The following PLEKHH2 variants were observed in gnomAD, a reference collection of about 807,000 sequenced individuals.
The protein encoded by PLEKHH2 is pleckstrin homology domain-containing family H member 2.
PLEKHH2 carries 129 observed loss-of-function variants against 187.9 expected under a neutral mutation model. That is an observed-to-expected ratio of 0.69 (90% CI 0.59 to 0.79). The LOEUF is 0.79. Ranked by LOEUF, PLEKHH2 falls within the 30% of genes least tolerant of loss-of-function variation. The pLI, the probability that PLEKHH2 is intolerant of heterozygous loss-of-function variation, is 0.00. For synonymous variants in PLEKHH2, 686 were observed against 605.6 expected, an observed-to-expected ratio of 1.13 and a Z score of -1.95; for missense variants, 2,076 against 1,751.2, an observed-to-expected ratio of 1.19 and a Z score of -3.31.
intron 8 of PLEKHH2, among the ~76,000 whole-genome samples, chr2:43,701,349 G>C (rs1259986543): frequency 6.6e-6 from 1 of 152,174 alleles, no homozygotes; most frequent in East Asian, 1.9e-4. Flanking sequence ...CTCCTTCTCA[G>C]CTTACCAATC....
intron 8 of PLEKHH2, among the ~76,000 whole-genome samples, chr2:43,702,275 G>A (rs1669411285): frequency 6.6e-6 from 1 of 152,134 alleles, no homozygotes; most frequent in South Asian, 2.1e-4. Context: ...CAGAACTTAA[G>A]ATGTATGTGC....
chr2:43,669,689 A>T (rs2104398041), intron 2 of PLEKHH2, among the ~76,000 whole-genome samples: 1 of 152,216 alleles, frequency 6.6e-6, no homozygotes, highest in Middle Eastern at 3.4e-3. Context: ...TTAATGAGAA[A>T]TGAAGGTGAA....
intron 9 of PLEKHH2, 121 bp downstream of exon 9, chr2:43,704,177 G>A (rs1419591661): frequency 1.5e-6 from 1 of 669,434 alleles, no homozygotes; most frequent in Non-Finnish European, 2.4e-6. Context: ...CCACCTAAAG[G>A]AGGTGTTTAA....
chr2:43,743,757 C>T, intron 22 of PLEKHH2, 77 bp from the exon 23 acceptor site: 1 of 1,329,772 alleles, frequency 7.5e-7, no homozygotes, highest in Admixed American at 2.1e-5. Flanking sequence ...ATCAAGTATG[C>T]TCTGTTTCAT....
intron 2 of PLEKHH2, among the ~76,000 whole-genome samples, chr2:43,650,537 C>G (rs182246516): frequency 6.6e-6 from 1 of 152,054 alleles, no homozygotes; most frequent in African/African-American, 2.4e-5. Context: ...TGAATATTGT[C>G]TGCATTGCTT....
chr2:43,675,338 T>C, intron 2 of PLEKHH2: 2 of 1,421,008 alleles, frequency 1.4e-6, no homozygotes, highest in Non-Finnish European at 1.9e-6. Context: ...ACATTTCAAG[T>C]GCTCTTGGAC....
chr2:43,718,553 T>A (rs1670323745), intron 15 of PLEKHH2, among the ~76,000 whole-genome samples: 1 of 151,562 alleles, frequency 6.6e-6, no homozygotes, highest in African/African-American at 2.4e-5. Flanking sequence ...AAAAAAAAAA[T>A]TCTAATACAA....
At chr2:43,763,615 T>G (rs75547813) in intron 28 of PLEKHH2, among the ~76,000 whole-genome samples, 3,612 of 149,536 alleles carry the variant, frequency 0.024, 161 homozygotes, top group African/African-American at 0.084. Context: ...TCATAGAAAC[T>G]GGGTCTCCCT....
intron 2 of PLEKHH2, among the ~76,000 whole-genome samples, chr2:43,655,764 G>A (rs372700453): frequency 1.7e-4 from 26 of 152,112 alleles, no homozygotes; most frequent in East Asian, 1.5e-3. Context: ...GAGATTTTTC[G>A]TCTGGGAGAG....
intron 4 of PLEKHH2, among the ~76,000 whole-genome samples, chr2:43,693,813 G>A (rs1668956326): frequency 2.0e-5 from 3 of 150,862 alleles, no homozygotes; most frequent in South Asian, 4.2e-4. Flanking sequence ...TGACCACTAT[G>A]AAATCATTTT....
At chr2:43,715,684 G>A (rs1670178964) in intron 15 of PLEKHH2, among the ~76,000 whole-genome samples, 2 of 152,278 alleles carry the variant, frequency 1.3e-5, no homozygotes, top group African/African-American at 4.8e-5. Context: ...AAAGATGCCT[G>A]GTAGAAAGAT....
Position 43,729,659 on chromosome 2 carries a change from C to T in PLEKHH2, c.2744C>T (p.Thr915Ile). ...AAGGACACTTGGCTTTATCATCTGACTGTTGCAGCTGGAAGCAACAATGTA... is the reference window on the plus strand; with the variant it reads ...AAGGACACTTGGCTTTATCATCTGATTGTTGCAGCTGGAAGCAACAATGTA... The part of the protein sequence containing the change: ...HEKDTWLYHL[T>I]VAAGSNNVNV... The change falls in exon 18 of 30, where the codon ACT becomes ATT. Residue 915 changes from threonine (T) to isoleucine (I), a missense_variant. Transcript: ENST00000282406. The T allele has an allele frequency of 6.2e-7, 1 of 1,603,858 alleles. No homozygotes were observed. Among genetic ancestry groups the T allele is most frequent in the Non-Finnish European group, 8.5e-7 (1 of 1,176,288 alleles).
chr2:43,641,903 T>C (rs960259088), intron 1 of PLEKHH2, among the ~76,000 whole-genome samples: 3 of 152,232 alleles, frequency 2.0e-5, no homozygotes, highest in African/African-American at 7.2e-5. Flanking sequence ...TTGTAGTAAG[T>C]TTAGAAATAG....
rs1230201543 is a variant in PLEKHH2 at position 43,660,634 on chromosome 2, C to A, written c.123+15838C>A. On this transcript the variant is annotated intron_variant, in intron 2 of 29. Transcript: ENST00000282406. ...CCCCTCCCCCCTCCCCCCACCCCACCACAGTCCCCAGAGTGTGATATTCCC... is the reference window on the plus strand; with the variant it reads ...CCCCTCCCCCCTCCCCCCACCCCACAACAGTCCCCAGAGTGTGATATTCCC... Among the ~76,000 whole-genome samples, 387 of 122,034 alleles carry A rather than the reference C, an allele frequency of 3.2e-3. 9 individuals carry two copies. Among genetic ancestry groups the A allele is most frequent in the African/African-American group, 0.012 (370 of 30,298 alleles). 80.1% of individuals were successfully genotyped at this position (122,034 alleles called of 152,430 possible). A position where few individuals can be genotyped will look rare whatever the true frequency, so the allele number is the denominator to read the frequency against.
chr2:43,680,686 T>C (rs557144927), intron 3 of PLEKHH2: 9 of 391,088 alleles, frequency 2.3e-5, no homozygotes, highest in East Asian at 2.2e-4. Flanking sequence ...CTGCTCAAAA[T>C]TGAAGTCAAG....
intron 16 of PLEKHH2, among the ~76,000 whole-genome samples, chr2:43,725,032 G>A (rs1285730583): frequency 2.0e-5 from 3 of 152,194 alleles, no homozygotes; most frequent in South Asian, 2.1e-4. Flanking sequence ...GAAGGGTCCC[G>A]AGTGGGTTGC....
intron 3 of PLEKHH2, among the ~76,000 whole-genome samples, chr2:43,690,517 A>G (rs1205770140): frequency 6.6e-6 from 1 of 152,236 alleles, no homozygotes; most frequent in Non-Finnish European, 1.5e-5. Context: ...CCTTTTCAGG[A>G]GAAAACCCTC....
intron 10 of PLEKHH2, 51 bp downstream of exon 10, chr2:43,706,467 C>A: frequency 1.6e-6 from 2 of 1,288,430 alleles, no homozygotes; most frequent in Non-Finnish European, 1.1e-6. Context: ...CATGATGGAT[C>A]AAGGAAATTG....
chr2:43,747,778 A>C (rs1317912201), intron 24 of PLEKHH2, among the ~76,000 whole-genome samples: 1 of 152,192 alleles, frequency 6.6e-6, no homozygotes, highest in Non-Finnish European at 1.5e-5. Context: ...TGGTGGAATT[A>C]TTGGAGTGGT....
Sources: gnomAD v4.1 joint callset for allele counts (sites outside exome capture counted in the v4.1 genomes callset) on GRCh38, gnomAD v4.1.1 for gene constraint, MANE v1.5 for transcripts, NCBI Gene and HGNC (gene_info 2026-07-23, HGNC 2026-07-21) for gene names.